Variants in DEFB1 observed in about 807,000 individuals in gnomAD.
DEFB1 encodes beta-defensin 1.
A neutral mutation model predicts 2.6 loss-of-function variants in DEFB1; 4 were observed. That is an observed-to-expected ratio of 1.53 (90% confidence interval 0.76 to 3.51). DEFB1 has a LOEUF of 3.51. Among genes scored for constraint, DEFB1 ranks in the 30% most tolerant of loss-of-function variants. DEFB1 has a pLI of 0.01. For synonymous variants in DEFB1, 56 were observed against 28.5 expected (o/e 1.96, Z -3.07); for missense variants, 162 against 76.9 (o/e 2.11, Z -4.14).
intron 1 of DEFB1, among the ~76,000 whole-genome samples, chr8:6,875,501 A>G (rs1163915922): frequency 1.3e-5 from 2 of 152,244 alleles, no homozygotes; most frequent in Non-Finnish European, 2.9e-5. Flanking sequence ...GTTGCCTGTA[A>G]CTATGTATAA....
rs1554539774 is a variant in DEFB1 at position 6,870,649 on chromosome 8, C to CT, written c.*31dup. The CT allele has an allele frequency of 3.1e-6, 5 of 1,601,006 alleles. No homozygotes were observed. Among genetic ancestry groups the CT allele is most frequent in the Non-Finnish European group, 4.3e-6 (5 of 1,175,644 alleles). On this transcript the variant is annotated 3_prime_UTR_variant, in exon 2 of 2. Transcript: ENST00000297439. ...GAATGCTTATAAAAAGTTCATTTCA[C>CT]TTCTGCGTCATTTCTTCTGGTCACT...
At chr8:6,874,625 A>G (rs1278977459) in intron 1 of DEFB1, among the ~76,000 whole-genome samples, 2 of 152,192 alleles carry the variant, frequency 1.3e-5, no homozygotes. Flanking sequence ...TCATGCATAC[A>G]TGGAGAATTG....
At chr8:6,872,749 C>G (rs1273589675) in intron 1 of DEFB1, among the ~76,000 whole-genome samples, 2 of 152,148 alleles carry the variant, frequency 1.3e-5, no homozygotes, top group African/African-American at 4.8e-5. Flanking sequence ...TGACTGATTC[C>G]TAATGAGGCT....
chr8:6,876,183 T>G (rs1806520522), intron 1 of DEFB1, among the ~76,000 whole-genome samples: 1 of 152,074 alleles, frequency 6.6e-6, no homozygotes, highest in African/African-American at 2.4e-5. Flanking sequence ...TCTATTCCTT[T>G]AAAAAAACAT....
intron 1 of DEFB1, among the ~76,000 whole-genome samples, 170 bp downstream of exon 1, chr8:6,877,627 G>A (rs566295697): frequency 6.6e-6 from 1 of 152,330 alleles, no homozygotes; most frequent in African/African-American, 2.4e-5. Flanking sequence ...TGAAGGCTTG[G>A]CAGGGCTTGC....
At chr8:6,872,305 G>A (rs1388019927) in intron 1 of DEFB1, among the ~76,000 whole-genome samples, 1 of 152,198 alleles carries the variant, frequency 6.6e-6, no homozygotes, top group Non-Finnish European at 1.5e-5. Flanking sequence ...CATGCTCCCT[G>A]TGGCTGTTCT....
chr8:6,872,547 A>T (rs928941059), intron 1 of DEFB1, among the ~76,000 whole-genome samples: 3 of 152,128 alleles, frequency 2.0e-5, no homozygotes, highest in Non-Finnish European at 4.4e-5. Flanking sequence ...GAGGTTTGGG[A>T]AGGGCCCGGA....
chr8:6,877,895 G>C lies in DEFB1; in HGVS notation c.-38C>G. The C allele has an allele frequency of 1.3e-6, 2 of 1,599,948 alleles. No homozygotes were observed. Among genetic ancestry groups the C allele is most frequent in the Non-Finnish European group, 1.7e-6 (2 of 1,167,194 alleles). On this transcript the variant is annotated 5_prime_UTR_variant, in exon 1 of 2. Transcript: ENST00000297439. ...GCAACACCCAGGATTTCAGGAACTGGGGAGACGCTGGCTCCTTTGGAGGCT... is the reference window on the plus strand; with the variant it reads ...GCAACACCCAGGATTTCAGGAACTGCGGAGACGCTGGCTCCTTTGGAGGCT...
intron 1 of DEFB1, among the ~76,000 whole-genome samples, chr8:6,871,237 C>A (rs1032349431): frequency 6.6e-6 from 1 of 152,232 alleles, no homozygotes; most frequent in Non-Finnish European, 1.5e-5. Flanking sequence ...CCTTCCATGC[C>A]TTCAGTTACG....
chr8:6,871,815 G>C (rs1806329742), intron 1 of DEFB1, among the ~76,000 whole-genome samples: 1 of 152,166 alleles, frequency 6.6e-6, no homozygotes, highest in African/African-American at 2.4e-5. Flanking sequence ...CTTCCACCTT[G>C]ATCGCAGACT....
intron 1 of DEFB1, among the ~76,000 whole-genome samples, chr8:6,873,602 G>A (rs563893782): frequency 6.5e-4 from 99 of 152,294 alleles, no homozygotes; most frequent in Middle Eastern, 3.4e-3. Context: ...ATTAACACAG[G>A]AAAAGAAAGC....
intron 1 of DEFB1, among the ~76,000 whole-genome samples, chr8:6,872,362 G>A (rs1310570930): frequency 2.0e-5 from 3 of 152,208 alleles, no homozygotes; most frequent in South Asian, 2.1e-4. Context: ...AAGTGCTCAC[G>A]AGCACTATGT....
chr8:6,874,351 T>G (rs1441379720), intron 1 of DEFB1, among the ~76,000 whole-genome samples: 3 of 56,826 alleles, frequency 5.3e-5, no homozygotes, highest in Admixed American at 4.5e-4. Context: ...ATTTGAAGAT[T>G]ACTTTTTTAA....
At chr8:6,871,361 T>C (rs1806303681) in intron 1 of DEFB1, among the ~76,000 whole-genome samples, 1 of 152,174 alleles carries the variant, frequency 6.6e-6, no homozygotes, top group African/African-American at 2.4e-5. Flanking sequence ...AAAACTTTCA[T>C]AGTTTTTTTT....
chr8:6,874,803 G>A (rs1433594870), intron 1 of DEFB1, among the ~76,000 whole-genome samples: 4 of 152,072 alleles, frequency 2.6e-5, no homozygotes, highest in Admixed American at 2.6e-4. Flanking sequence ...CCAACATGGT[G>A]AAACCTGCTC....
At chr8:6,875,631 A>G (rs1216796544) in intron 1 of DEFB1, among the ~76,000 whole-genome samples, 8 of 152,240 alleles carry the variant, frequency 5.3e-5, no homozygotes. Flanking sequence ...TGGCAAGGAT[A>G]CAGAGCAAGA....
At chr8:6,876,208 G>C (rs1229326252) in intron 1 of DEFB1, among the ~76,000 whole-genome samples, 1 of 152,184 alleles carries the variant, frequency 6.6e-6, no homozygotes, top group Non-Finnish European at 1.5e-5. Context: ...TGGGCGTGGT[G>C]GCTCATGGCT....
At chr8:6,873,851 C>A (rs542059400) in intron 1 of DEFB1, among the ~76,000 whole-genome samples, 1 of 152,316 alleles carries the variant, frequency 6.6e-6, no homozygotes, top group South Asian at 2.1e-4. Context: ...AGAGGCCATA[C>A]TTTTACAACC....
chr8:6,877,604 G>A (rs762928970), intron 1 of DEFB1, among the ~76,000 whole-genome samples, 193 bp downstream of exon 1: 8 of 152,204 alleles, frequency 5.3e-5, no homozygotes, highest in Admixed American at 3.3e-4. Flanking sequence ...ACTCCTTGGC[G>A]GCTCACAGAC....
Sources: allele counts gnomAD v4.1 joint callset (sites outside exome capture counted in the v4.1 genomes callset), GRCh38; gene constraint gnomAD v4.1.1; transcripts MANE v1.5; gene names NCBI Gene and HGNC (gene_info 2026-07-23, HGNC 2026-07-21).